The following NAALADL2 variants were observed in gnomAD, a reference collection of about 807,000 sequenced individuals.
The protein encoded by NAALADL2 is N-acetylated alpha-linked acidic dipeptidase like 2.
Under a neutral mutation model 87.2 loss-of-function variants are expected in NAALADL2, and 76 were observed. That is an observed-to-expected ratio of 0.87 (90% CI 0.72 to 1.05). NAALADL2 has a LOEUF of 1.05. Among genes scored for constraint, NAALADL2 ranks in the 50% least tolerant of loss-of-function variants. The pLI, the probability that NAALADL2 is intolerant of heterozygous loss-of-function variation, is 0.00. For missense variants in NAALADL2, 1,089 were observed against 945.8 expected (o/e 1.15, Z -1.99); for synonymous variants, 354 against 331.0 (o/e 1.07, Z -0.75).
chr3:175,645,471 C>T (rs1442159360), intron 11 of NAALADL2, among the ~76,000 whole-genome samples: 2 of 151,998 alleles, frequency 1.3e-5, no homozygotes, highest in South Asian at 2.1e-4. Flanking sequence ...GGAATATGGC[C>T]AAGGCTCCGG....
intron 1 of NAALADL2, among the ~76,000 whole-genome samples, chr3:175,090,359 G>T (rs546547449): frequency 1.3e-5 from 2 of 151,768 alleles, no homozygotes; most frequent in South Asian, 4.2e-4. Context: ...ATCCTGAATT[G>T]AATTATATAA....
At chr3:175,568,793 G>T (rs1163789813) in intron 9 of NAALADL2, among the ~76,000 whole-genome samples, 1 of 152,160 alleles carries the variant, frequency 6.6e-6, no homozygotes, top group Admixed American at 6.5e-5. Flanking sequence ...TTGCATTTTT[G>T]TAATATATAG....
chr3:175,211,044 T>A (rs913615301), intron 2 of NAALADL2, among the ~76,000 whole-genome samples: 6 of 151,844 alleles, frequency 4.0e-5, no homozygotes, highest in Admixed American at 6.6e-5. Flanking sequence ...GCCCATTAGC[T>A]CAGAGCATTT....
At chr3:175,668,310 AG>A (rs1309096168) in intron 11 of NAALADL2, among the ~76,000 whole-genome samples, 13 of 152,246 alleles carry the variant, frequency 8.5e-5, no homozygotes, top group African/African-American at 3.1e-4. Context: ...GCATTTGATA[AG>A]TTTTATGTCA....
chr3:174,668,575 C>T (rs1443301843), intron 2 of NAALADL2, among the ~76,000 whole-genome samples: 1 of 152,116 alleles, frequency 6.6e-6, no homozygotes, highest in African/African-American at 2.4e-5. Context: ...TCCCCTCTCC[C>T]CCCACCCCGC....
intron 11 of NAALADL2, among the ~76,000 whole-genome samples, chr3:175,677,867 A>G (rs1735035927): frequency 6.6e-6 from 1 of 152,160 alleles, no homozygotes; most frequent in Non-Finnish European, 1.5e-5. Flanking sequence ...TACACAGTAG[A>G]AAAATTTTCT....
At chr3:175,012,411 G>A (rs1211413280) in intron 1 of NAALADL2, among the ~76,000 whole-genome samples, 1 of 151,988 alleles carries the variant, frequency 6.6e-6, no homozygotes, top group Non-Finnish European at 1.5e-5. Context: ...CAGGTGATCC[G>A]CCCACAACGG....
At chr3:174,529,885 C>T (rs767888986) in intron 1 of NAALADL2, among the ~76,000 whole-genome samples, 16 of 152,108 alleles carry the variant, frequency 1.1e-4, no homozygotes, top group Non-Finnish European at 2.2e-4. Flanking sequence ...TTTTTCTTCC[C>T]CAACTTCCAG....
chr3:175,107,509 C>CAT, intron 2 of NAALADL2, among the ~76,000 whole-genome samples: 1 of 112,260 alleles, frequency 8.9e-6, no homozygotes, highest in East Asian at 2.3e-4. Context: ...CGAACACACA[C>CAT]ATACACACAC....
chr3:175,575,354 G>A (rs937631892), intron 9 of NAALADL2, among the ~76,000 whole-genome samples: 1 of 151,822 alleles, frequency 6.6e-6, no homozygotes, highest in East Asian at 1.9e-4. Flanking sequence ...GTACACTCTC[G>A]GCTCACTGCA....
chr3:175,231,288 ATCT>A (rs74776878), intron 2 of NAALADL2, among the ~76,000 whole-genome samples: 26,498 of 151,780 alleles, frequency 0.17, 2,480 homozygotes, highest in East Asian at 0.25. Context: ...AATATTAGAG[ATCT>A]TCTTCTTCAT....
chr3:174,824,419 C>T (rs1286304592), intron 3 of NAALADL2, among the ~76,000 whole-genome samples: 2 of 152,116 alleles, frequency 1.3e-5, no homozygotes, highest in East Asian at 1.9e-4. Flanking sequence ...TGAATTTAAG[C>T]ACTACTTTGG....
At chr3:174,812,225 A>G (rs1301655489) in intron 3 of NAALADL2, among the ~76,000 whole-genome samples, 1 of 152,172 alleles carries the variant, frequency 6.6e-6, no homozygotes, top group Non-Finnish European at 1.5e-5. Flanking sequence ...CTATTTATAT[A>G]GATCTTGCTC....
intron 2 of NAALADL2, among the ~76,000 whole-genome samples, chr3:174,557,100 A>G (rs970816208): frequency 6.6e-6 from 1 of 152,212 alleles, no homozygotes; most frequent in Non-Finnish European, 1.5e-5. Flanking sequence ...TGCTATACAA[A>G]AACAACATTT....
At chr3:174,746,851 G>T (rs764912178) in intron 3 of NAALADL2, among the ~76,000 whole-genome samples, 36 of 152,118 alleles carry the variant, frequency 2.4e-4, no homozygotes, top group Non-Finnish European at 4.3e-4. Flanking sequence ...TTAATAAATT[G>T]TGCTGGGAAA....
chr3:174,616,018 T>A (rs1468513889), intron 2 of NAALADL2, among the ~76,000 whole-genome samples: 1 of 151,928 alleles, frequency 6.6e-6, no homozygotes, highest in Non-Finnish European at 1.5e-5. Context: ...TGCACTTAAA[T>A]CCATTGTTTA....
chr3:174,924,902 G>C (rs376563226), intron 1 of NAALADL2, among the ~76,000 whole-genome samples: 7 of 152,110 alleles, frequency 4.6e-5, no homozygotes, highest in African/African-American at 1.4e-4. Flanking sequence ...CCTTTGCCCA[G>C]TTTTTGATGG....
intron 3 of NAALADL2, among the ~76,000 whole-genome samples, chr3:174,847,211 C>T (rs1724724181): frequency 6.6e-6 from 1 of 152,068 alleles, no homozygotes; most frequent in South Asian, 2.1e-4. Context: ...ATACCTTTCC[C>T]CTACTTTCCT....
intron 2 of NAALADL2, among the ~76,000 whole-genome samples, chr3:174,688,638 C>CA (rs1728269958): frequency 6.6e-6 from 1 of 151,980 alleles, no homozygotes; most frequent in Non-Finnish European, 1.5e-5. Context: ...AATGAAGAGA[C>CA]AGTTTACCTT....
Sources: allele counts gnomAD v4.1 joint callset (sites outside exome capture counted in the v4.1 genomes callset), GRCh38; gene constraint gnomAD v4.1.1; transcripts MANE v1.5; gene names NCBI Gene and HGNC (gene_info 2026-07-23, HGNC 2026-07-21).